LIN7A: variants seen among roughly 807,000 people sequenced by gnomAD.
LIN7A encodes protein lin-7 homolog A.
In LIN7A, 25 loss-of-function variants were observed where a neutral mutation model predicts 29.8. The observed-to-expected ratio is 0.84, with a 90% CI of 0.61 to 1.17. The LOEUF (loss-of-function observed/expected upper bound fraction) is 1.17. Among genes scored for constraint, LIN7A ranks in the 50% most tolerant of loss-of-function variants. The pLI is 0.00. For missense variants in LIN7A, 239 were observed against 287.0 expected (o/e 0.83, Z 1.21); for synonymous variants, 118 against 107.5 (o/e 1.10, Z -0.60).
At chr12:80,925,658 G>A (rs1036293378) in intron 1 of LIN7A, among the ~76,000 whole-genome samples, 17 of 152,140 alleles carry the variant, frequency 1.1e-4, no homozygotes, top group Non-Finnish European at 2.2e-4. Context: ...AGGGAAATTG[G>A]AGAGCTATTA....
chr12:80,892,077 T>C (rs1949847812), intron 1 of LIN7A, among the ~76,000 whole-genome samples: 1 of 152,184 alleles, frequency 6.6e-6, no homozygotes, highest in South Asian at 2.1e-4. Flanking sequence ...TGCATTTCCA[T>C]AGTTCTTTGT....
chr12:80,847,031 A>G (rs1873110111), intron 3 of LIN7A, among the ~76,000 whole-genome samples: 1 of 152,198 alleles, frequency 6.6e-6, no homozygotes. Flanking sequence ...TACTGTCTGC[A>G]TTTAGTGAAA....
At chr12:80,906,508 T>G (rs2120768215) in intron 1 of LIN7A, among the ~76,000 whole-genome samples, 1 of 151,978 alleles carries the variant, frequency 6.6e-6, no homozygotes, top group African/African-American at 2.4e-5. Context: ...GGTTGGGGGG[T>G]TTGCCTTGCA....
At chr12:80,859,131 A>C (rs1873743724) in intron 2 of LIN7A, among the ~76,000 whole-genome samples, 1 of 152,210 alleles carries the variant, frequency 6.6e-6, no homozygotes, top group Non-Finnish European at 1.5e-5. Context: ...TTCTAGCTTA[A>C]GTGTGTTCCA....
intron 2 of LIN7A, among the ~76,000 whole-genome samples, chr12:80,874,853 G>C (rs1045144976): frequency 6.6e-6 from 1 of 151,998 alleles, no homozygotes; most frequent in East Asian, 1.9e-4. Flanking sequence ...GCATTGTGGC[G>C]GGCGCCTGTA....
chr12:80,919,699 T>C (rs1270383647), intron 1 of LIN7A, among the ~76,000 whole-genome samples: 1 of 152,218 alleles, frequency 6.6e-6, no homozygotes, highest in African/African-American at 2.4e-5. Flanking sequence ...TATATTGTTA[T>C]AGATTTCCTA....
At chr12:80,826,895 C>T (rs1872107287) in intron 4 of LIN7A, among the ~76,000 whole-genome samples, 1 of 152,200 alleles carries the variant, frequency 6.6e-6, no homozygotes, top group Admixed American at 6.5e-5. Flanking sequence ...ATGATAGGCA[C>T]TGTCCTTGAG....
At chr12:80,873,117 C>T (rs1456435674) in intron 2 of LIN7A, among the ~76,000 whole-genome samples, 2 of 152,076 alleles carry the variant, frequency 1.3e-5, no homozygotes, top group Admixed American at 6.6e-5. Context: ...TTGGTAAGAC[C>T]TGAAAATTGT....
At chr12:80,822,241 G>C (rs1024510362) in intron 4 of LIN7A, among the ~76,000 whole-genome samples, 3 of 152,172 alleles carry the variant, frequency 2.0e-5, no homozygotes, top group Non-Finnish European at 4.4e-5. Context: ...CAGATCTTGT[G>C]AGACTTATTC....
chr12:80,843,902 C>T (rs996828521), intron 4 of LIN7A, among the ~76,000 whole-genome samples: 2 of 151,972 alleles, frequency 1.3e-5, no homozygotes, highest in African/African-American at 4.8e-5. Flanking sequence ...GTGTTCCCTG[C>T]AAATGTTTAT....
chr12:80,911,680 A>T (rs1275725390), intron 1 of LIN7A, among the ~76,000 whole-genome samples: 1 of 152,192 alleles, frequency 6.6e-6, no homozygotes, highest in Non-Finnish European at 1.5e-5. Flanking sequence ...TAAATTTGAA[A>T]TGGCTTGTTC....
At chr12:80,804,934 T>A (rs547134590) in intron 5 of LIN7A, among the ~76,000 whole-genome samples, 2,506 of 152,270 alleles carry the variant, frequency 0.016, 69 homozygotes, top group African/African-American at 0.057. Flanking sequence ...CATCTGTTGA[T>A]GGACACTTAG....
At chr12:80,937,174 C>G in intron 1 of LIN7A, 1 of 155,684 alleles carries the variant, frequency 6.4e-6, no homozygotes, top group Non-Finnish European at 1.4e-5. Flanking sequence ...GACCCTCGCC[C>G]TCCGGCGCCT....
intron 5 of LIN7A, among the ~76,000 whole-genome samples, chr12:80,808,241 G>T (rs900141333): frequency 3.3e-5 from 5 of 152,144 alleles, no homozygotes; most frequent in Admixed American, 6.6e-5. Flanking sequence ...TCCTTTGAGA[G>T]ATCTTCCCTG....
At chr12:80,825,362 G>T (rs1298198263) in intron 4 of LIN7A, among the ~76,000 whole-genome samples, 4 of 152,220 alleles carry the variant, frequency 2.6e-5, no homozygotes, top group Non-Finnish European at 5.9e-5. Flanking sequence ...GAATCCCAGG[G>T]ATGATACAGC....
intron 4 of LIN7A, among the ~76,000 whole-genome samples, chr12:80,834,813 G>T (rs1362961445): frequency 1.3e-5 from 2 of 148,718 alleles, no homozygotes; most frequent in East Asian, 4.0e-4. Flanking sequence ...AATCCATTAT[G>T]GAAAATTATA....
chr12:80,898,968 GC>G (rs760208978), intron 1 of LIN7A, among the ~76,000 whole-genome samples: 47 of 152,138 alleles, frequency 3.1e-4, no homozygotes, highest in Non-Finnish European at 6.0e-4. Flanking sequence ...TAATTTGGAT[GC>G]CTTTTCTTTC....
At chr12:80,876,410 A>G (rs1874704860) in intron 2 of LIN7A, among the ~76,000 whole-genome samples, 1 of 152,088 alleles carries the variant, frequency 6.6e-6, no homozygotes, top group East Asian at 1.9e-4. Flanking sequence ...CAAAAAGCAT[A>G]TTTTAAACAA....
intron 4 of LIN7A, chr12:80,832,662 C>T: frequency 2.2e-6 from 1 of 447,838 alleles, no homozygotes; most frequent in South Asian, 1.7e-5. Flanking sequence ...TGGCTCCAGG[C>T]CATCCCTTCA....
Sources: allele counts gnomAD v4.1 joint callset (sites outside exome capture counted in the v4.1 genomes callset), GRCh38; gene constraint gnomAD v4.1.1; transcripts MANE v1.5; gene names NCBI Gene and HGNC (gene_info 2026-07-23, HGNC 2026-07-21).